PTPRN2: variants seen among roughly 807,000 people sequenced by gnomAD.
PTPRN2 encodes the protein protein tyrosine phosphatase receptor type N2.
PTPRN2 carries 74 observed loss-of-function variants against 118.8 expected under a neutral mutation model. The observed-to-expected ratio is 0.62, with a 90% CI of 0.52 to 0.76. The LOEUF (loss-of-function observed/expected upper bound fraction) is 0.76, where lower values mean the gene tolerates loss of function less well. Ranked by LOEUF, PTPRN2 falls within the 30% of genes least tolerant of loss-of-function variation. The pLI is 0.00. For missense variants in PTPRN2, 1,481 were observed against 1,394.4 expected (o/e 1.06, Z -0.99); for synonymous variants, 641 against 608.0 (o/e 1.05, Z -0.80).
chr7:157,930,976 T>C (rs1363881434), intron 11 of PTPRN2, among the ~76,000 whole-genome samples: 1 of 152,134 alleles, frequency 6.6e-6, no homozygotes, highest in Non-Finnish European at 1.5e-5. Context: ...AGGGCAGCCC[T>C]CTCCCCTGTC....
rs146491272 is a variant in PTPRN2, at chr7:157,586,406, G to A, written c.2497-8266C>T. On this transcript the variant is annotated intron_variant, in intron 17 of 22. Transcript: ENST00000389418. ...TGTCCAGGGGGTGGAACAGGATGAT[G>A]AGCAAGCTGAGTCTTCACCCACACT... Among the ~76,000 whole-genome samples, 450 of 152,302 alleles carry A rather than the reference G, an allele frequency of 3.0e-3. 4 individuals carry two copies. Among genetic ancestry groups the A allele is most frequent in the African/African-American group, 0.01 (426 of 41,568 alleles).
chr7:158,289,378 C>A (rs1379517787), intron 3 of PTPRN2, among the ~76,000 whole-genome samples: 1 of 152,156 alleles, frequency 6.6e-6, no homozygotes, highest in African/African-American at 2.4e-5. Flanking sequence ...TCTCCTCTGA[C>A]TGTATGTTTT....
At chr7:157,685,915 G>C (rs920193333) in intron 12 of PTPRN2, among the ~76,000 whole-genome samples, 3 of 152,160 alleles carry the variant, frequency 2.0e-5, no homozygotes, top group South Asian at 2.1e-4. Context: ...CAGCAGAGGA[G>C]GGGTGGGAGC....
At chr7:157,650,060 C>T (rs1324632528) in intron 14 of PTPRN2, among the ~76,000 whole-genome samples, 3 of 152,204 alleles carry the variant, frequency 2.0e-5, no homozygotes, top group South Asian at 2.1e-4. Flanking sequence ...TCCCCAGGCC[C>T]GCAGGAGTGA....
At chr7:158,379,955 C>A (rs1470845889) in intron 2 of PTPRN2, among the ~76,000 whole-genome samples, 1 of 152,070 alleles carries the variant, frequency 6.6e-6, no homozygotes, top group African/African-American at 2.4e-5. Flanking sequence ...GGGAAACTCC[C>A]CCTTATAAAA....
intron 1 of PTPRN2, among the ~76,000 whole-genome samples, chr7:158,522,326 G>C (rs10232989): frequency 7.5e-5 from 2 of 26,822 alleles, no homozygotes; most frequent in African/African-American, 2.8e-4. Context: ...GTAGTGGCTC[G>C]GGAGGGAGGT....
At chr7:158,346,468 T>C (rs1183348431) in intron 2 of PTPRN2, among the ~76,000 whole-genome samples, 1 of 152,254 alleles carries the variant, frequency 6.6e-6, no homozygotes, top group Non-Finnish European at 1.5e-5. Flanking sequence ...ACAGAATTCC[T>C]TCCTTTTTAA....
chr7:158,392,231 T>A (rs1811983200), intron 2 of PTPRN2, among the ~76,000 whole-genome samples: 1 of 151,730 alleles, frequency 6.6e-6, no homozygotes, highest in African/African-American at 2.4e-5. Flanking sequence ...CAGGTCAAAC[T>A]CCCCGAGGAG....
rs958056394 is a variant in PTPRN2, at chr7:157,845,026, C to T, written c.1788+53647G>A. 6.6e-6 allele frequency among the ~76,000 whole-genome samples: 1 copy of T among 152,130 alleles called. No homozygotes were observed. The highest frequency in any genetic ancestry group is 2.4e-5 in the African/African-American group (1 of 41,428). ...ATCGGTTGGGATCCACCTGGTGACA[C>T]CTGCCTTATCTTCCAGGGTTTGCCC... is the stretch of plus-strand genomic sequence containing the variant. On this transcript the variant is annotated intron_variant, in intron 12 of 22. Coordinates refer to ENST00000389418, the MANE Select transcript of PTPRN2 (RefSeq NM_002847.5). This position sits in a 1 kb window ranked among gnomAD's most constrained non-coding sequence, Gnocchi z 4.5.
At chr7:158,311,240 A>G (rs938235588) in intron 3 of PTPRN2, among the ~76,000 whole-genome samples, 2 of 152,190 alleles carry the variant, frequency 1.3e-5, no homozygotes, top group Admixed American at 6.5e-5. Flanking sequence ...TCCAGTCCAC[A>G]TTATTTAGGG....
In PTPRN2 at chr7:157,611,294, C is replaced by G. The variant is rs1802317957; in HGVS notation, c.2345-7219G>C. On this transcript the variant is annotated intron_variant, in intron 15 of 22. Transcript: ENST00000389418. This position sits in a 1 kb window ranked among gnomAD's most constrained non-coding sequence, Gnocchi z 5.9. ...GGGCAGGTGACCTGGGGCAGGTGGA[C>G]TAGAAGGAGCCTCAAGCCCTGGGGG... is the stretch of plus-strand genomic sequence containing the variant. 6.6e-6 allele frequency among the ~76,000 whole-genome samples: 1 copy of G among 152,130 alleles called. No individual in the cohort carries two copies. Among genetic ancestry groups the G allele is most frequent in the South Asian group, 2.1e-4 (1 of 4,832 alleles).
chr7:158,326,240 G>A (rs555843576), intron 2 of PTPRN2, among the ~76,000 whole-genome samples: 37 of 152,186 alleles, frequency 2.4e-4, no homozygotes, highest in African/African-American at 5.5e-4. Flanking sequence ...CAGAGGCTGC[G>A]GTCACCCAGG....
chr7:158,046,610 A>G (rs892881533), intron 11 of PTPRN2, among the ~76,000 whole-genome samples: 5 of 152,182 alleles, frequency 3.3e-5, no homozygotes, highest in African/African-American at 1.2e-4. Flanking sequence ...CTAAGAATGC[A>G]CTGTTATGCA....
intron 2 of PTPRN2, among the ~76,000 whole-genome samples, chr7:158,380,584 G>A (rs1440150513): frequency 2.0e-5 from 3 of 152,212 alleles, no homozygotes; most frequent in Non-Finnish European, 2.9e-5. Context: ...TTCACGGGCT[G>A]GCATTGAGTG....
chr7:158,097,563 T>A (rs1814732834), intron 10 of PTPRN2, among the ~76,000 whole-genome samples: 1 of 152,126 alleles, frequency 6.6e-6, no homozygotes, highest in African/African-American at 2.4e-5. Context: ...ACAGAGCCCG[T>A]CTCACTGTGG....
intron 10 of PTPRN2, among the ~76,000 whole-genome samples, chr7:158,084,236 CAAG>C (rs957688102): frequency 5.9e-5 from 9 of 152,204 alleles, no homozygotes; most frequent in African/African-American, 2.2e-4. Flanking sequence ...TCCCTCCCCA[CAAG>C]AAGAACTTGC....
chr7:157,881,584 A>C lies in PTPRN2; in HGVS notation c.1788+17089T>G, dbSNP rs1279400560. 3.9e-5 allele frequency among the ~76,000 whole-genome samples: 6 copies of C among 151,906 alleles called. No individual in the cohort carries two copies. The highest frequency in any genetic ancestry group is 8.8e-5 in the Non-Finnish European group (6 of 67,984). On this transcript the variant is annotated intron_variant, in intron 12 of 22. Transcript: ENST00000389418. This position sits in a 1 kb window ranked among gnomAD's most constrained non-coding sequence, Gnocchi z 4.7. ...CAACATGGCAACACCCCCTCAGTAC[A>C]CCCTAGACATCTGAGGCCAAGCCCC...
Position 158,526,140 on chromosome 7 carries a change from C to T in PTPRN2, c.113-36355G>A, listed in dbSNP as rs552915727. Reference sequence around the variant, plus strand: ...ACTTCCTACAGCTTCTGAAAGGGCCCGCTCTGGGGGGAGCCACATCAGGCA... The same window carrying T: ...ACTTCCTACAGCTTCTGAAAGGGCCTGCTCTGGGGGGAGCCACATCAGGCA... On this transcript the variant is annotated intron_variant, in intron 1 of 22. Transcript: ENST00000389418. The surrounding 1 kb of genome is among the most constrained non-coding windows in gnomAD (Gnocchi z 5.2). 2.0e-5 allele frequency among the ~76,000 whole-genome samples: 3 copies of T among 152,154 alleles called. No individual in the cohort carries two copies. Among genetic ancestry groups the T allele is most frequent in the Admixed American group, 1.3e-4 (2 of 15,280 alleles).
chr7:157,819,455 C>T (rs1407622350), intron 12 of PTPRN2, among the ~76,000 whole-genome samples: 3 of 152,196 alleles, frequency 2.0e-5, no homozygotes, highest in South Asian at 4.1e-4. Context: ...AGCGCGAGGG[C>T]GCCCTGCAGG....
Sources: allele counts gnomAD v4.1 joint callset (sites outside exome capture counted in the v4.1 genomes callset), GRCh38; gene constraint gnomAD v4.1.1; non-coding constraint Gnocchi (gnomAD v3.1); transcripts MANE v1.5; gene names NCBI Gene and HGNC (gene_info 2026-07-23, HGNC 2026-07-21).